The following ADAMTS17 variants were observed in gnomAD, a reference collection of about 807,000 sequenced individuals.
ADAMTS17 encodes the protein ADAM metallopeptidase with thrombospondin type 1 motif 17, also known as A disintegrin and metalloproteinase with thrombospondin motifs 17.
ADAMTS17 carries 113 observed loss-of-function variants against 141.5 expected under a neutral mutation model. That is an observed-to-expected ratio of 0.80 (90% CI 0.69 to 0.93). The LOEUF is 0.93. ADAMTS17 is among the 40% of genes least tolerant of loss of function. The pLI, the probability that ADAMTS17 is intolerant of heterozygous loss-of-function variation, is 0.00. For synonymous variants in ADAMTS17, 768 were observed against 630.6 expected, an observed-to-expected ratio of 1.22 and a Z score of -3.27; for missense variants, 1,659 against 1,517.9, an observed-to-expected ratio of 1.09 and a Z score of -1.54.
chr15:100,051,062 G>A (rs1187369506), intron 17 of ADAMTS17, among the ~76,000 whole-genome samples: 1 of 152,196 alleles, frequency 6.6e-6, no homozygotes, highest in Non-Finnish European at 1.5e-5. Flanking sequence ...GTAGAGAGAG[G>A]AAGTCATTTG....
At chr15:99,977,207 T>G (rs933997513) in intron 20 of ADAMTS17, among the ~76,000 whole-genome samples, 3 of 150,950 alleles carry the variant, frequency 2.0e-5, no homozygotes, top group Non-Finnish European at 4.4e-5. Context: ...TAGACATCCC[T>G]GGCTGCTGGC....
intron 2 of ADAMTS17, among the ~76,000 whole-genome samples, chr15:100,336,447 C>T (rs1324005575): frequency 2.0e-5 from 3 of 152,200 alleles, no homozygotes; most frequent in Admixed American, 6.5e-5. Context: ...TGTCTTTGCC[C>T]TTCTTCCATT....
chr15:100,122,958 A>C (rs1420191368), intron 12 of ADAMTS17, among the ~76,000 whole-genome samples: 3 of 152,240 alleles, frequency 2.0e-5, no homozygotes, highest in African/African-American at 7.2e-5. Flanking sequence ...AGAAAGAGGC[A>C]TCCTCCATCT....
chr15:100,332,469 T>C (rs1361341483), intron 2 of ADAMTS17, among the ~76,000 whole-genome samples: 1 of 152,172 alleles, frequency 6.6e-6, no homozygotes, highest in East Asian at 1.9e-4. Flanking sequence ...GAGGATACGC[T>C]TCACTCTAAT....
intron 7 of ADAMTS17, among the ~76,000 whole-genome samples, chr15:100,201,999 C>T (rs1200377722): frequency 6.6e-6 from 1 of 152,156 alleles, no homozygotes; most frequent in Non-Finnish European, 1.5e-5. Context: ...CCCTCTGGGT[C>T]AATGAATCAA....
At chr15:100,025,967 T>C (rs2061508180) in intron 18 of ADAMTS17, among the ~76,000 whole-genome samples, 1 of 152,210 alleles carries the variant, frequency 6.6e-6, no homozygotes, top group African/African-American at 2.4e-5. Flanking sequence ...ATATAAATTA[T>C]AAGTATACAG....
intron 15 of ADAMTS17, among the ~76,000 whole-genome samples, chr15:100,061,483 A>C (rs2033120451): frequency 6.6e-6 from 1 of 152,166 alleles, no homozygotes; most frequent in Non-Finnish European, 1.5e-5. Context: ...AGGGACGATC[A>C]CAAGAGCTGG....
chr15:99,994,474 C>A (rs900753970), intron 19 of ADAMTS17, among the ~76,000 whole-genome samples: 2 of 151,442 alleles, frequency 1.3e-5, no homozygotes, highest in Non-Finnish European at 2.9e-5. Flanking sequence ...AAAAATCCCA[C>A]TGTGTCCACT....
At chr15:100,066,085 A>G (rs1336237107) in intron 15 of ADAMTS17, among the ~76,000 whole-genome samples, 1 of 152,200 alleles carries the variant, frequency 6.6e-6, no homozygotes, top group African/African-American at 2.4e-5. Context: ...ATAGTATTCC[A>G]TGGTGTACAT....
At chr15:100,120,982 G>A (rs1007038352) in intron 12 of ADAMTS17, among the ~76,000 whole-genome samples, 2 of 152,142 alleles carry the variant, frequency 1.3e-5, no homozygotes, top group African/African-American at 4.8e-5. Flanking sequence ...AAGACAGGAA[G>A]ACAATCTATA....
At chr15:100,325,152 G>A (rs769498866) in intron 3 of ADAMTS17, among the ~76,000 whole-genome samples, 1 of 152,144 alleles carries the variant, frequency 6.6e-6, no homozygotes, top group Non-Finnish European at 1.5e-5. Context: ...CTGGTTCTCA[G>A]TGTTCCTCCG....
intron 8 of ADAMTS17, among the ~76,000 whole-genome samples, chr15:100,194,065 A>G (rs2041022324): frequency 6.6e-6 from 1 of 152,190 alleles, no homozygotes; most frequent in South Asian, 2.1e-4. Context: ...TGCAATGAGA[A>G]ACCTTTTTAT....
rs568271993 is a variant in ADAMTS17, at chr15:100,044,179, G to C, written c.2591+4678C>G. Among the ~76,000 whole-genome samples the C allele has an allele frequency of 2.0e-5, 3 of 152,244 alleles. No individual in the cohort carries two copies. In the South Asian group the frequency reaches 6.2e-4, roughly 32 times the overall value. Reference sequence around the variant, plus strand: ...GAATCTAGTTGAAACATGAAGATGTGATCTGATTACCTCTCATCTGTCTTT... The same window carrying C: ...GAATCTAGTTGAAACATGAAGATGTCATCTGATTACCTCTCATCTGTCTTT... On this transcript the variant is annotated intron_variant, in intron 18 of 21. Coordinates refer to ENST00000268070, the MANE Select transcript of ADAMTS17 (RefSeq NM_139057.4).
intron 15 of ADAMTS17, among the ~76,000 whole-genome samples, chr15:100,087,410 C>G (rs921773007): frequency 6.6e-6 from 1 of 152,062 alleles, no homozygotes; most frequent in Non-Finnish European, 1.5e-5. Flanking sequence ...ACCAGAGGTA[C>G]AAGGAGGAGC....
intron 20 of ADAMTS17, among the ~76,000 whole-genome samples, chr15:99,986,526 C>A (rs117927254): frequency 0.021 from 3,240 of 152,274 alleles, 52 homozygotes; most frequent in Non-Finnish European, 0.028. Flanking sequence ...TGTCAGGGTG[C>A]TCAGAGGCCT....
intron 4 of ADAMTS17, among the ~76,000 whole-genome samples, chr15:100,280,659 G>A (rs947117457): frequency 1.3e-5 from 2 of 152,074 alleles, no homozygotes; most frequent in African/African-American, 4.8e-5. Context: ...AAAACACCTG[G>A]GAAAATGAAT....
intron 7 of ADAMTS17, among the ~76,000 whole-genome samples, chr15:100,246,465 A>T (rs992284097): frequency 6.6e-6 from 1 of 152,246 alleles, no homozygotes; most frequent in Non-Finnish European, 1.5e-5. Flanking sequence ...ATAATTATAA[A>T]TACCAAGGTA....
chr15:100,229,043 C>T (rs1324115186), intron 7 of ADAMTS17, among the ~76,000 whole-genome samples: 1 of 152,224 alleles, frequency 6.6e-6, no homozygotes. Flanking sequence ...CTTCTCCAAT[C>T]AGCTTCCTTG....
chr15:100,067,416 C>T (rs1318695968), intron 15 of ADAMTS17, among the ~76,000 whole-genome samples: 1 of 152,240 alleles, frequency 6.6e-6, no homozygotes, highest in African/African-American at 2.4e-5. Flanking sequence ...GCAGTTTCAC[C>T]ATGACATTTC....
Sources: gnomAD v4.1 joint callset for allele counts (sites outside exome capture counted in the v4.1 genomes callset) on GRCh38, gnomAD v4.1.1 for gene constraint, MANE v1.5 for transcripts, NCBI Gene and HGNC (gene_info 2026-07-23, HGNC 2026-07-21) for gene names.